AFF3: variants seen among roughly 807,000 people sequenced by gnomAD.
The protein encoded by AFF3 is ALF transcription elongation factor 3.
Under a neutral mutation model 129.7 loss-of-function variants are expected in AFF3, and 32 were observed. That is an observed-to-expected ratio of 0.25 (90% CI 0.19 to 0.33). AFF3 has a LOEUF of 0.33. Ranked by LOEUF, AFF3 falls within the 10% of genes least tolerant of loss-of-function variation. AFF3 has a pLI of 1.00. For synonymous variants in AFF3, 644 were observed against 635.4 expected (o/e 1.01, Z -0.20); for missense variants, 1,373 against 1,592.0 (o/e 0.86, Z 2.34).
At chr2:99,903,355 C>T (rs141543219) in intron 7 of AFF3, among the ~76,000 whole-genome samples, 37 of 152,262 alleles carry the variant, frequency 2.4e-4, no homozygotes, top group Admixed American at 6.5e-4. Context: ...TGCTTGGCAA[C>T]AGTAAACACT....
At chr2:100,063,514 A>G (rs1687472069) in intron 4 of AFF3, among the ~76,000 whole-genome samples, 1 of 152,206 alleles carries the variant, frequency 6.6e-6, no homozygotes, top group South Asian at 2.1e-4. Context: ...GCAAGATTAT[A>G]CAGCATTTAG....
intron 4 of AFF3, among the ~76,000 whole-genome samples, chr2:100,073,547 C>A (rs973358600): frequency 6.6e-6 from 1 of 152,164 alleles, no homozygotes; most frequent in African/African-American, 2.4e-5. Context: ...GCAGCTTCAT[C>A]AAATTAATAC....
intron 8 of AFF3, among the ~76,000 whole-genome samples, chr2:99,797,455 T>C (rs917123968): frequency 2.6e-5 from 4 of 152,078 alleles, no homozygotes; most frequent in African/African-American, 4.8e-5. Flanking sequence ...TGTGATCTAA[T>C]GTACATAAAA....
chr2:99,728,615 C>G (rs538845056), intron 10 of AFF3, among the ~76,000 whole-genome samples: 4 of 152,090 alleles, frequency 2.6e-5, no homozygotes, highest in African/African-American at 9.7e-5. Flanking sequence ...TTCTACAGTT[C>G]GTACATCTAT....
intron 13 of AFF3, 111 bp from the exon 14 acceptor site, chr2:99,601,732 T>A (rs1261158615): frequency 1.6e-6 from 2 of 1,276,790 alleles, no homozygotes; most frequent in East Asian, 4.9e-5. Flanking sequence ...GCACGCAGCC[T>A]ACACATCTGT....
chr2:100,040,684 A>ACCGACAGGCTTGCTATTTCT (rs1395841003), intron 4 of AFF3, among the ~76,000 whole-genome samples: 13 of 152,212 alleles, frequency 8.5e-5, no homozygotes, highest in Admixed American at 7.9e-4. Context: ...TTCCCCTGCT[A>ACCGACAGGCTTGCTATTTCT]CCGACAGGCT....
intron 18 of AFF3, among the ~76,000 whole-genome samples, chr2:99,573,410 G>T (rs977887130): frequency 6.6e-6 from 1 of 152,136 alleles, no homozygotes; most frequent in Admixed American, 6.5e-5. Context: ...AAAACAAAAA[G>T]GTAGGGTCCC....
Position 99,594,071 on chromosome 2 carries a change from C to A in AFF3, c.1590G>T (p.Glu530Asp). ...CCTTGTTGGCTGTCCTTGGCCTTTG[C>A]TCCTCCTTGCAAGTGCTCTTGATCT... ...EKEIKSTCKE[E>D]QRPRTANKAP... Residue 530 changes from glutamate to aspartate, a missense_variant, in exon 15 of 25, where the codon GAG becomes GAT. This residue lies in a region of AFF3 where 413 missense variants were observed against 424.4 expected (regional missense o/e 0.97). Transcript: ENST00000672756. 1 of 1,613,712 alleles carries A rather than the reference C, an allele frequency of 6.2e-7. No individual in the cohort carries two copies.
At chr2:99,802,690 T>C (rs1253085801) in intron 8 of AFF3, among the ~76,000 whole-genome samples, 11 of 84,378 alleles carry the variant, frequency 1.3e-4, no homozygotes, top group African/African-American at 4.3e-4. Context: ...TTTCCTAGGG[T>C]GTCTTTTTTT....
At chr2:99,769,881 G>A (rs2105318864) in intron 8 of AFF3, among the ~76,000 whole-genome samples, 1 of 152,334 alleles carries the variant, frequency 6.6e-6, no homozygotes, top group Admixed American at 6.5e-5. Flanking sequence ...AGCAGCCTGG[G>A]GCTGGGGGTG....
At chr2:99,950,610 T>G (rs1313483806) in intron 7 of AFF3, among the ~76,000 whole-genome samples, 2 of 152,216 alleles carry the variant, frequency 1.3e-5, no homozygotes, top group African/African-American at 4.8e-5. Flanking sequence ...TAAATTGTCA[T>G]ATCCATGAAA....
At chr2:99,581,676 G>C (rs1295845248) in intron 17 of AFF3, among the ~76,000 whole-genome samples, 1 of 151,642 alleles carries the variant, frequency 6.6e-6, no homozygotes, top group Non-Finnish European at 1.5e-5. Context: ...GTGCCACCAC[G>C]CTTGGCCACC....
intron 7 of AFF3, among the ~76,000 whole-genome samples, chr2:99,879,396 G>T (rs763754358): frequency 1.1e-4 from 16 of 152,062 alleles, no homozygotes; most frequent in Non-Finnish European, 1.9e-4. Context: ...CAACTTCCTA[G>T]TAGCTCCATA....
chr2:100,140,786 G>A (rs1692832975), intron 1 of AFF3, among the ~76,000 whole-genome samples: 1 of 152,080 alleles, frequency 6.6e-6, no homozygotes, highest in Non-Finnish European at 1.5e-5. Context: ...TCATAGGGAG[G>A]GGTGTTCTGT....
In AFF3 at chr2:99,606,394, C is replaced by T. The variant is rs189021184; in HGVS notation, c.1185-4773G>A. 1.1e-4 allele frequency among the ~76,000 whole-genome samples: 17 copies of T among 152,250 alleles called. No homozygotes were observed. The East Asian group carries it at 1.7e-3, about 16-fold the overall frequency. On this transcript the variant is annotated intron_variant, in intron 13 of 24. Coordinates refer to ENST00000672756, the MANE Select transcript of AFF3 (RefSeq NM_001386135.1). ...TGGACCCAGTGCCATCTCATGAACACGGTGCCATTTGACAGCAGCCAGAAA... is the reference window on the plus strand; with the variant it reads ...TGGACCCAGTGCCATCTCATGAACATGGTGCCATTTGACAGCAGCCAGAAA...
intron 7 of AFF3, among the ~76,000 whole-genome samples, chr2:99,993,792 CTTTTTTTTTTTTTTT>C (rs751882272): frequency 1.2e-4 from 9 of 72,546 alleles, no homozygotes; most frequent in East Asian, 5.3e-4. Flanking sequence ...AACACTTTAT[CTTTTTTTTTTTTTTT>C]TTTTTTTTTT....
In AFF3 at chr2:99,550,582, T is replaced by A. The variant is rs1391071763; in HGVS notation, c.*892A>T. ...GCCATGTGGCTCTACAGCCACCGAG[T>A]CACAGTGGCAGGAAGAAGAAATGCA... On this transcript the variant is annotated 3_prime_UTR_variant, in exon 25 of 25. Transcript: ENST00000672756. 4.3e-6 allele frequency: 1 copy of A among 232,558 alleles called. No homozygotes were observed. Among genetic ancestry groups the A allele is most frequent in the Non-Finnish European group, 8.5e-6 (1 of 117,718 alleles). The allele number at this position is 232,558 out of a possible 1,614,324, so 14.4% of individuals were successfully genotyped here.
chr2:99,939,066 G>GCT (rs933914170), intron 7 of AFF3, among the ~76,000 whole-genome samples: 2 of 152,044 alleles, frequency 1.3e-5, no homozygotes, highest in Admixed American at 6.6e-5. Context: ...AAGCACTGTT[G>GCT]CTCTCTCTCT....
chr2:99,716,742 G>A (rs915789736), intron 11 of AFF3, among the ~76,000 whole-genome samples: 12 of 151,928 alleles, frequency 7.9e-5, no homozygotes, highest in African/African-American at 1.2e-4. Context: ...TTATCTGGGC[G>A]TTGTGGTGCT....
Sources: allele counts gnomAD v4.1 joint callset (sites outside exome capture counted in the v4.1 genomes callset), GRCh38; gene constraint gnomAD v4.1.1; regional missense constraint gnomAD v4.1.1; transcripts MANE v1.5; gene names NCBI Gene and HGNC (gene_info 2026-07-23, HGNC 2026-07-21).